Variants in PTDSS2 observed in about 807,000 individuals in gnomAD.
PTDSS2 encodes PSS-2.
Under a neutral mutation model 64.7 loss-of-function variants are expected in PTDSS2, and 41 were observed. That is an observed-to-expected ratio of 0.63 (90% CI 0.49 to 0.82). The LOEUF is 0.82. Ranked by LOEUF, PTDSS2 falls within the 40% of genes least tolerant of loss-of-function variation. The pLI is 0.00. For synonymous variants in PTDSS2, 297 were observed against 277.8 expected (o/e 1.07, Z -0.69); for missense variants, 485 against 650.0 (o/e 0.75, Z 2.76).
rs79073676 is a variant in PTDSS2, at chr11:490,787, T to G, written c.*205T>G. On this transcript the variant is annotated 3_prime_UTR_variant, in exon 12 of 12. Coordinates refer to ENST00000308020, the MANE Select transcript of PTDSS2 (RefSeq NM_030783.3). ...ATGTGTACACGTGTGTACGTGTGTA[T>G]GCGTGTGTGTACGCGTGTGTACGCG... 1.7e-6 allele frequency: 1 copy of G among 574,112 alleles called. No homozygotes were observed. The highest frequency in any genetic ancestry group is 2.0e-5 in the South Asian group (1 of 49,714). 35.6% of individuals were successfully genotyped at this position (574,112 alleles called of 1,614,324 possible).
intron 2 of PTDSS2, among the ~76,000 whole-genome samples, chr11:465,921 G>A (rs1011146113): frequency 1.3e-5 from 2 of 152,112 alleles, no homozygotes; most frequent in African/African-American, 4.8e-5. Context: ...CAGCCTAGGC[G>A]ACAGAGTGAG....
At chr11:489,769 G>A (rs200960345) in intron 10 of PTDSS2, 36 bp downstream of exon 10, 28 of 1,592,254 alleles carry the variant, frequency 1.8e-5, no homozygotes, top group African/African-American at 6.7e-5. Context: ...AGACACCCCC[G>A]GGGGGCAGGG....
intron 4 of PTDSS2, among the ~76,000 whole-genome samples, chr11:481,419 C>T (rs1848066708): frequency 6.6e-6 from 1 of 152,154 alleles, no homozygotes; most frequent in South Asian, 2.1e-4. Context: ...GGGATTGCAT[C>T]GAATCTGCAA....
intron 4 of PTDSS2, among the ~76,000 whole-genome samples, chr11:484,778 C>CTG (rs58897114): frequency 0.032 from 4,038 of 124,292 alleles, 230 homozygotes; most frequent in African/African-American, 0.12. Context: ...GGTGTGTGTG[C>CTG]TGTGCGCAGG....
At position 460,357 on chromosome 11, in the gene PTDSS2, C is replaced by T; in HGVS notation, c.284+69C>T. On this transcript the variant is annotated intron_variant, in intron 2 of 11. Transcript: ENST00000308020. The surrounding 1 kb of genome is among the most constrained non-coding windows in gnomAD (Gnocchi z 5.8). ...CCGTGTGGTGGGTGTGGCACCCTTA[C>T]TGCTCGGGCTGCCGGGGGCTCAGAA... The T allele has an allele frequency of 7.6e-7, 1 of 1,319,642 alleles. No individual in the cohort carries two copies. Among genetic ancestry groups the T allele is most frequent in the Non-Finnish European group, 1.1e-6 (1 of 923,396 alleles). 81.7% of individuals were successfully genotyped at this position (1,319,642 alleles called of 1,614,324 possible).
In PTDSS2 at chr11:490,500, G is replaced by A. The variant is rs1848626561; in HGVS notation, c.1382G>A (p.Gly461Glu). 6.2e-7 allele frequency: 1 copy of A among 1,613,162 alleles called. No individual in the cohort carries two copies. Among genetic ancestry groups the A allele is most frequent in the East Asian group, 2.2e-5 (1 of 44,874 alleles). ...GACCAGGGCAGCACCGTCGGCAACG[G>A]GGACCAGCACCCACTGGGGCTGGAC... is the stretch of plus-strand genomic sequence containing the variant. ...KDDQGSTVGN[G>E]DQHPLGLDED... The change falls in exon 12 of 12, where the codon GGG becomes GAG. Residue 461 changes from glycine (G) to glutamate (E), a missense_variant. Gly to Glu is a moderately conservative substitution (Grantham distance 98). Coordinates refer to ENST00000308020, the MANE Select transcript of PTDSS2 (RefSeq NM_030783.3).
intron 5 of PTDSS2, 62 bp downstream of exon 5, chr11:487,135 C>T (rs537593036): frequency 5.8e-4 from 855 of 1,464,048 alleles, no homozygotes; most frequent in Non-Finnish European, 7.4e-4. Context: ...CCGGACCAGG[C>T]GCCATCCACG....
chr11:455,967 C>T (rs1440890634), intron 1 of PTDSS2, among the ~76,000 whole-genome samples: 1 of 152,138 alleles, frequency 6.6e-6, no homozygotes, highest in Admixed American at 6.5e-5. Context: ...GGCCCCACCC[C>T]CCGCCTTGCT....
chr11:473,900 T>C lies in PTDSS2; in HGVS notation c.290T>C (p.Ile97Thr), dbSNP rs186942948. 3.7e-6 allele frequency: 6 copies of C among 1,612,716 alleles called. No individual in the cohort carries two copies. In the Admixed American group the frequency reaches 5.0e-5, roughly 13 times the overall value. The change falls in exon 3 of 12, where the codon ATT (isoleucine) becomes ACT (threonine). Residue 97 changes from isoleucine to threonine, a missense_variant. Ile to Thr is a moderately conservative substitution (Grantham distance 89). Around this residue, in one of 3 missense-constraint regions of PTDSS2, gnomAD observed 251 missense variants for 348.0 expected, o/e 0.72. Transcript: ENST00000308020. ...QDTAYNTKRGIVASILVFLCF... is the reference protein window; with the variant it reads ...QDTAYNTKRGTVASILVFLCF... ...TGTTTGTTCTTTATTTGCAGAGGTATTGTGGCCAGTATTTTGGTTTTCTTA... is the reference window on the plus strand; with the variant it reads ...TGTTTGTTCTTTATTTGCAGAGGTACTGTGGCCAGTATTTTGGTTTTCTTA...
rs1846873708 is a variant in PTDSS2, at chr11:461,349, G to T, written c.284+1061G>T. Among the ~76,000 whole-genome samples, 2 of 152,206 alleles carry T rather than the reference G, an allele frequency of 1.3e-5. No individual in the cohort carries two copies. The highest frequency in any genetic ancestry group is 2.4e-5 in the African/African-American group (1 of 41,450). ...GCTCTAGAACACAAGCATGCCCAGT[G>T]CCCTGTCTGTAGGGGAGCGGATGCT... On this transcript the variant is annotated intron_variant, in intron 2 of 11. Transcript: ENST00000308020. The surrounding 1 kb of genome is among the most constrained non-coding windows in gnomAD (Gnocchi z 4.2).
intron 10 of PTDSS2, 38 bp from the exon 11 acceptor site, chr11:489,845 C>A: frequency 1.3e-6 from 2 of 1,546,230 alleles, no homozygotes; most frequent in East Asian, 2.4e-5. Context: ...GAGGACCCTG[C>A]GGGGCCCGGG....
chr11:454,324 A>G (rs745513690), intron 1 of PTDSS2, among the ~76,000 whole-genome samples: 3 of 152,048 alleles, frequency 2.0e-5, no homozygotes, highest in Non-Finnish European at 4.4e-5. Context: ...GGCCACCTCA[A>G]TGACAGTGTG....
At chr11:489,118 G>A (rs1456859309) in intron 8 of PTDSS2, among the ~76,000 whole-genome samples, 2 of 152,266 alleles carry the variant, frequency 1.3e-5, no homozygotes, top group Non-Finnish European at 2.9e-5. Flanking sequence ...CTGAGGCGCT[G>A]CAGCCACTGC....
intron 1 of PTDSS2, among the ~76,000 whole-genome samples, chr11:456,564 G>A (rs1846606702): frequency 6.6e-6 from 1 of 152,168 alleles, no homozygotes; most frequent in Admixed American, 6.5e-5. Context: ...AGGAAAGGGT[G>A]GGCCTCATGG....
intron 8 of PTDSS2, 177 bp from the exon 9 acceptor site, chr11:489,223 G>A (rs1848550166): frequency 3.2e-6 from 2 of 615,558 alleles, no homozygotes; most frequent in Middle Eastern, 4.3e-4. Flanking sequence ...CAGCAGCTGG[G>A]TAACCAGGAA....
In PTDSS2 at chr11:479,474, A is replaced by G; in HGVS notation, c.435+322A>G. On this transcript the variant is annotated intron_variant, in intron 4 of 11. Coordinates refer to ENST00000308020, the MANE Select transcript of PTDSS2 (RefSeq NM_030783.3). The surrounding 1 kb of genome is among the most constrained non-coding windows in gnomAD (Gnocchi z 4.2). ...GCAGGGCCAGTGGTGCAGGCACAGA[A>G]GAGGGCAGGGCCAGTGGTGCAGCTG... 1 of 440,580 alleles carries G rather than the reference A, an allele frequency of 2.3e-6. No individual in the cohort carries two copies. Among genetic ancestry groups the G allele is most frequent in the South Asian group, 2.3e-5 (1 of 43,464 alleles). The allele number at this position is 440,580 out of a possible 1,614,324, so 27.3% of individuals were successfully genotyped here.
At position 489,734 on chromosome 11, in the gene PTDSS2, G is replaced by C; in HGVS notation, c.1115+1G>C. The C allele has an allele frequency of 6.2e-7, 1 of 1,608,250 alleles. No homozygotes were observed. Among genetic ancestry groups the C allele is most frequent in the Non-Finnish European group, 8.5e-7 (1 of 1,177,640 alleles). ...AGATCTACGACTTCATGGATGACCC[G>C]TGAGGGCTGCGGCAGTCCGGGTGGA... On this transcript the variant is annotated splice_donor_variant, in intron 10 of 11. Coordinates refer to ENST00000308020, the MANE Select transcript of PTDSS2 (RefSeq NM_030783.3). LOFTEE classifies it high-confidence loss of function.
chr11:454,907 T>C (rs1846517847), intron 1 of PTDSS2, among the ~76,000 whole-genome samples: 1 of 152,230 alleles, frequency 6.6e-6, no homozygotes, highest in Non-Finnish European at 1.5e-5. Flanking sequence ...TCCCTTGAGC[T>C]TTGCGTTTAT....
intron 4 of PTDSS2, among the ~76,000 whole-genome samples, chr11:485,157 C>T (rs560577143): frequency 9.2e-4 from 112 of 121,368 alleles, no homozygotes; most frequent in African/African-American, 3.5e-3. Context: ...TGTAAGTGCA[C>T]GGGCGTGTGT....
Sources: gnomAD v4.1 joint callset for allele counts (sites outside exome capture counted in the v4.1 genomes callset) on GRCh38, gnomAD v4.1.1 for gene constraint, gnomAD v4.1.1 regional missense constraint, Gnocchi (gnomAD v3.1) non-coding constraint, MANE v1.5 for transcripts, NCBI Gene and HGNC (gene_info 2026-07-23, HGNC 2026-07-21) for gene names.